The following PCDH11X variants were observed in gnomAD, a reference collection of about 807,000 sequenced individuals.
PCDH11X encodes protocadherin 11 X-linked.
Under a neutral mutation model 53.3 loss-of-function variants are expected in PCDH11X, and 18 were observed. The ratio of observed to expected loss-of-function variants is 0.34; its 90% confidence interval spans 0.23 to 0.50. The LOEUF (loss-of-function observed/expected upper bound fraction) is 0.50, where lower values mean the gene tolerates loss of function less well. Among genes scored for constraint, PCDH11X ranks in the 20% least tolerant of loss-of-function variants. The pLI, the probability that PCDH11X is intolerant of heterozygous loss-of-function variation, is 0.98. For synonymous variants in PCDH11X, 279 were observed against 393.3 expected, an observed-to-expected ratio of 0.71 and a Z score of 3.44; for missense variants, 570 against 1,032.4, an observed-to-expected ratio of 0.55 and a Z score of 6.14.
intron 5 of PCDH11X, among the ~76,000 whole-genome samples, chrX:91,838,774 A>G (rs1246590866): frequency 5.6e-5 from 6 of 106,391 alleles, no homozygotes; most frequent in Non-Finnish European, 9.6e-5. Flanking sequence ...TAGAAAAATC[A>G]CCATTTATCC....
intron 8 of PCDH11X, among the ~76,000 whole-genome samples, chrX:92,326,069 A>G (rs1405484289): frequency 8.9e-6 from 1 of 112,264 alleles, no homozygotes; most frequent in Non-Finnish European, 1.9e-5. Flanking sequence ...TAAAATAACA[A>G]CAATCATTGT....
chrX:91,938,905 T>C (rs1363699626), intron 6 of PCDH11X, among the ~76,000 whole-genome samples: 1 of 110,905 alleles, frequency 9.0e-6, no homozygotes, highest in Non-Finnish European at 1.9e-5. Context: ...AGATAAAATC[T>C]TGATCATATT....
chrX:92,353,907 T>C (rs1239241180), intron 8 of PCDH11X, among the ~76,000 whole-genome samples: 1 of 105,514 alleles, frequency 9.5e-6, no homozygotes, highest in Non-Finnish European at 1.9e-5. Flanking sequence ...GCAAGCATCA[T>C]ATTAGTCACT....
At chrX:92,476,069 T>C (rs2073376784) in intron 10 of PCDH11X, among the ~76,000 whole-genome samples, 1 of 111,478 alleles carries the variant, frequency 9.0e-6, no homozygotes, top group Non-Finnish European at 1.9e-5. Flanking sequence ...AACTGAATCA[T>C]GGGGATGGGC....
At chrX:92,110,543 G>A (rs866192837) in intron 6 of PCDH11X, among the ~76,000 whole-genome samples, 4 of 98,251 alleles carry the variant, frequency 4.1e-5, no homozygotes, top group Non-Finnish European at 7.6e-5. Flanking sequence ...ACATAAACAA[G>A]GGGGGGGCAG....
chrX:92,222,059 C>T (rs1461243450), intron 7 of PCDH11X, among the ~76,000 whole-genome samples: 2 of 111,057 alleles, frequency 1.8e-5, no homozygotes, highest in African/African-American at 6.5e-5. Flanking sequence ...GTCTTGAACT[C>T]CTGACCTCAG....
chrX:92,587,211 A>C (rs896941525), intron 10 of PCDH11X, among the ~76,000 whole-genome samples: 1 of 111,193 alleles, frequency 9.0e-6, no homozygotes, highest in Non-Finnish European at 1.9e-5. Context: ...GAAATTTGCT[A>C]TCAGAGATTA....
intron 7 of PCDH11X, among the ~76,000 whole-genome samples, chrX:92,249,641 A>G (rs763119688): frequency 2.7e-5 from 3 of 112,222 alleles, no homozygotes; most frequent in Admixed American, 9.4e-5. Flanking sequence ...CCTGCTAAGA[A>G]GCTGGGAATT....
At chrX:91,822,352 T>G (rs1315146960) in intron 4 of PCDH11X, among the ~76,000 whole-genome samples, 2 of 106,279 alleles carry the variant, frequency 1.9e-5, no homozygotes, top group African/African-American at 3.5e-5. Flanking sequence ...CAATTTCAGA[T>G]CCTGTTATTG....
chrX:92,541,812 G>A (rs2074763834), intron 10 of PCDH11X, among the ~76,000 whole-genome samples: 2 of 110,312 alleles, frequency 1.8e-5, no homozygotes, highest in Non-Finnish European at 3.8e-5. Context: ...AGCCTGGCGT[G>A]GTGGTGGGTG....
At chrX:92,187,420 A>C (rs1005172103) in intron 6 of PCDH11X, among the ~76,000 whole-genome samples, 3 of 111,717 alleles carry the variant, frequency 2.7e-5, no homozygotes, top group African/African-American at 6.5e-5. Context: ...TCACATCTGC[A>C]GAGTCCTTTT....
intron 6 of PCDH11X, among the ~76,000 whole-genome samples, chrX:92,107,611 C>T (rs1308218620): frequency 8.9e-6 from 1 of 112,394 alleles, no homozygotes; most frequent in Non-Finnish European, 1.9e-5. Flanking sequence ...TTGGCACATG[C>T]CTGTAATCCC....
intron 8 of PCDH11X, among the ~76,000 whole-genome samples, chrX:92,350,901 G>C (rs915408241): frequency 1.8e-5 from 2 of 111,405 alleles, no homozygotes; most frequent in African/African-American, 6.5e-5. Context: ...TTTCACCCAC[G>C]TAACTCATTA....
At chrX:91,944,055 G>GTGTGTGTC (rs1250408322) in intron 6 of PCDH11X, among the ~76,000 whole-genome samples, 1 of 87,223 alleles carries the variant, frequency 1.1e-5, no homozygotes, top group East Asian at 4.8e-4. Context: ...GTGTGTGTGT[G>GTGTGTGTC]TGTGTGTTCG....
intron 8 of PCDH11X, among the ~76,000 whole-genome samples, chrX:92,303,155 AT>A (rs2068756923): frequency 9.0e-6 from 1 of 110,910 alleles, no homozygotes; most frequent in African/African-American, 3.3e-5. Context: ...GGTGAGAGGC[AT>A]GATAAAATAT....
intron 9 of PCDH11X, among the ~76,000 whole-genome samples, chrX:92,441,004 G>A (rs182451403): frequency 1.7e-4 from 19 of 111,251 alleles, no homozygotes; most frequent in African/African-American, 5.9e-4. Flanking sequence ...AAACTTGTTG[G>A]GAACTGGAGA....
chrX:92,527,422 A>T (rs2074475381), intron 10 of PCDH11X, among the ~76,000 whole-genome samples: 1 of 111,187 alleles, frequency 9.0e-6, no homozygotes, highest in Non-Finnish European at 1.9e-5. Flanking sequence ...AAAATTAAAT[A>T]AAAAATTAGA....
chrX:92,586,977 CTTTT>C (rs34675403), intron 10 of PCDH11X, among the ~76,000 whole-genome samples: 4 of 72,930 alleles, frequency 5.5e-5, no homozygotes, highest in Admixed American at 3.5e-4. Context: ...ACACAGAAGC[CTTTT>C]TTTTTTTTTT....
At chrX:92,119,998 C>T (rs1171011690) in intron 6 of PCDH11X, among the ~76,000 whole-genome samples, 1 of 110,297 alleles carries the variant, frequency 9.1e-6, no homozygotes, top group African/African-American at 3.3e-5. Flanking sequence ...TTTCAAAACA[C>T]ACTGTTAGAA....
Sources: gnomAD v4.1 joint callset for allele counts (sites outside exome capture counted in the v4.1 genomes callset) on GRCh38, gnomAD v4.1.1 for gene constraint, MANE v1.5 for transcripts, NCBI Gene and HGNC (gene_info 2026-07-23, HGNC 2026-07-21) for gene names.